Variants in ATRNL1 observed in about 807,000 individuals in gnomAD.
ATRNL1 encodes attractin-like protein 1.
A neutral mutation model predicts 182.7 loss-of-function variants in ATRNL1; 95 were observed. The observed-to-expected ratio is 0.52, with a 90% CI of 0.44 to 0.62. The LOEUF is 0.62. Among genes scored for constraint, ATRNL1 ranks in the 20% least tolerant of loss-of-function variants. ATRNL1 has a pLI of 0.00. For synonymous variants in ATRNL1, 576 were observed against 568.3 expected, an observed-to-expected ratio of 1.01 and a Z score of -0.19; for missense variants, 1,471 against 1,679.5, an observed-to-expected ratio of 0.88 and a Z score of 2.17.
chr10:115,735,766 C>T (rs1244242516), intron 27 of ATRNL1, among the ~76,000 whole-genome samples: 4 of 152,282 alleles, frequency 2.6e-5, no homozygotes, highest in South Asian at 2.1e-4. Context: ...AGATAATTCG[C>T]ATCTTGTTCC....
intron 20 of ATRNL1, among the ~76,000 whole-genome samples, chr10:115,414,022 A>T (rs570058508): frequency 1.8e-4 from 27 of 152,128 alleles, no homozygotes; most frequent in African/African-American, 6.5e-4. Flanking sequence ...TCCAATTCGG[A>T]TCTATTTCTG....
chr10:115,831,736 A>G (rs1589573939), intron 27 of ATRNL1, among the ~76,000 whole-genome samples: 1 of 146,408 alleles, frequency 6.8e-6, no homozygotes. Flanking sequence ...TGCTCTCACC[A>G]CCTCACATAG....
chr10:115,639,729 A>G (rs1233483529), intron 26 of ATRNL1, among the ~76,000 whole-genome samples: 2 of 152,204 alleles, frequency 1.3e-5, no homozygotes, highest in Non-Finnish European at 2.9e-5. Context: ...ATAGATTCCT[A>G]AAGTATGTTA....
intron 27 of ATRNL1, among the ~76,000 whole-genome samples, chr10:115,815,882 T>G (rs1357778096): frequency 6.6e-6 from 1 of 152,118 alleles, no homozygotes; most frequent in Non-Finnish European, 1.5e-5. Flanking sequence ...AAAAATCACA[T>G]TATAGCCTCA....
intron 18 of ATRNL1, among the ~76,000 whole-genome samples, chr10:115,322,430 T>A (rs1554931813): frequency 1.3e-5 from 2 of 151,978 alleles, no homozygotes; most frequent in African/African-American, 4.8e-5. Flanking sequence ...TCACCTATTT[T>A]GTGCTTTTAT....
chr10:115,290,101 C>A (rs1852821766), intron 15 of ATRNL1, among the ~76,000 whole-genome samples: 1 of 150,462 alleles, frequency 6.6e-6, no homozygotes, highest in South Asian at 2.1e-4. Context: ...GGTCTTTTAC[C>A]TTCTTGGTTA....
intron 5 of ATRNL1, among the ~76,000 whole-genome samples, chr10:115,156,002 A>T (rs782556446): frequency 2.6e-5 from 4 of 152,044 alleles, no homozygotes; most frequent in Non-Finnish European, 4.4e-5. Context: ...ATCAAAATGG[A>T]TGGTGGCCAT....
At chr10:115,109,711 T>A (rs1844179045) in intron 1 of ATRNL1, among the ~76,000 whole-genome samples, 1 of 152,204 alleles carries the variant, frequency 6.6e-6, no homozygotes, top group Admixed American at 6.5e-5. Flanking sequence ...CCTTTCTGTC[T>A]GAGATCTCCT....
At chr10:115,585,242 A>G (rs868951087) in intron 26 of ATRNL1, among the ~76,000 whole-genome samples, 20,593 of 69,620 alleles carry the variant, frequency 0.3, 4,338 homozygotes, top group African/African-American at 0.52. Context: ...TGGGGTGGAG[A>G]GTTCTGTAGA....
At chr10:115,739,261 A>T (rs1217415042) in intron 27 of ATRNL1, among the ~76,000 whole-genome samples, 1 of 152,238 alleles carries the variant, frequency 6.6e-6, no homozygotes, top group Non-Finnish European at 1.5e-5. Flanking sequence ...ATATGGTCAC[A>T]TCACAGCTGA....
chr10:115,320,531 A>G (rs981885850), intron 18 of ATRNL1, among the ~76,000 whole-genome samples: 8 of 152,136 alleles, frequency 5.3e-5, no homozygotes, highest in Non-Finnish European at 1.0e-4. Flanking sequence ...AGGTACTCCA[A>G]TCAATTGCAA....
intron 26 of ATRNL1, among the ~76,000 whole-genome samples, chr10:115,636,300 AG>A (rs1193344412): frequency 5.7e-5 from 6 of 105,030 alleles, no homozygotes; most frequent in Non-Finnish European, 1.3e-4. Context: ...CAATAGCAAT[AG>A]GGGGATCCCA....
At chr10:115,436,807 A>G (rs1846424716) in intron 21 of ATRNL1, among the ~76,000 whole-genome samples, 1 of 152,056 alleles carries the variant, frequency 6.6e-6, no homozygotes, top group Admixed American at 6.6e-5. Flanking sequence ...TTGACTAGCT[A>G]CTTTGTTAGA....
intron 5 of ATRNL1, among the ~76,000 whole-genome samples, chr10:115,138,166 C>T (rs1194612120): frequency 6.6e-6 from 1 of 152,208 alleles, no homozygotes; most frequent in African/African-American, 2.4e-5. Flanking sequence ...CAGCTCTGCT[C>T]CTGTGGCTTT....
chr10:115,174,857 A>C, intron 8 of ATRNL1, among the ~76,000 whole-genome samples: 1 of 151,836 alleles, frequency 6.6e-6, no homozygotes. Context: ...TTTGGCATAT[A>C]GTTTTTTTTT....
intron 19 of ATRNL1, among the ~76,000 whole-genome samples, chr10:115,380,390 T>A (rs781803527): frequency 2.0e-5 from 3 of 152,202 alleles, no homozygotes; most frequent in African/African-American, 4.8e-5. Flanking sequence ...AAATTACAAT[T>A]TGAAAGTATA....
intron 20 of ATRNL1, among the ~76,000 whole-genome samples, chr10:115,423,591 T>G (rs1456614145): frequency 6.6e-6 from 1 of 151,842 alleles, no homozygotes; most frequent in Non-Finnish European, 1.5e-5. Flanking sequence ...ACACACAAAC[T>G]AATGAAACAG....
intron 21 of ATRNL1, among the ~76,000 whole-genome samples, chr10:115,454,617 T>C (rs1393647707): frequency 6.6e-6 from 1 of 152,124 alleles, no homozygotes; most frequent in Non-Finnish European, 1.5e-5. Context: ...TTTATTCTCT[T>C]TGGTTAAGTT....
rs115150456 is a variant in ATRNL1, at chr10:115,895,988, C to A, written c.4018+47997C>A. 6.7e-3 allele frequency among the ~76,000 whole-genome samples: 1,013 copies of A among 152,196 alleles called. 12 individuals carry two copies. The highest frequency in any genetic ancestry group is 0.022 in the African/African-American group (926 of 41,510). On this transcript the variant is annotated intron_variant, in intron 28 of 28. Coordinates refer to ENST00000355044, the MANE Select transcript of ATRNL1 (RefSeq NM_207303.4). ...ACCAGGTGGATGAGGTTGCCATAAT[C>A]CAAGAAAAGGAATATAAAAGGAGAG... is the stretch of plus-strand genomic sequence containing the variant.
Sources: allele counts gnomAD v4.1 joint callset (sites outside exome capture counted in the v4.1 genomes callset), GRCh38; gene constraint gnomAD v4.1.1; transcripts MANE v1.5; gene names NCBI Gene and HGNC (gene_info 2026-07-23, HGNC 2026-07-21).